UNC13C: variants seen among roughly 807,000 people sequenced by gnomAD.
UNC13C encodes protein unc-13 homolog C.
UNC13C carries 174 observed loss-of-function variants against 245.4 expected under a neutral mutation model. That is an observed-to-expected ratio of 0.71 (90% CI 0.63 to 0.80). UNC13C has a LOEUF of 0.80. UNC13C is among the 30% of genes least tolerant of loss of function. UNC13C has a pLI of 0.00. For missense variants in UNC13C, 2,829 were observed against 2,602.9 expected, an observed-to-expected ratio of 1.09 and a Z score of -1.89; for synonymous variants, 992 against 895.1, an observed-to-expected ratio of 1.11 and a Z score of -1.93.
intron 19 of UNC13C, among the ~76,000 whole-genome samples, chr15:54,476,900 G>A (rs1892776916): frequency 6.6e-6 from 1 of 150,954 alleles, no homozygotes; most frequent in Non-Finnish European, 1.5e-5. Context: ...ACCTTGGGCA[G>A]TACGGCCATT....
chr15:54,210,303 A>G (rs2140747373), intron 4 of UNC13C, among the ~76,000 whole-genome samples: 1 of 150,918 alleles, frequency 6.6e-6, no homozygotes, highest in East Asian at 1.9e-4. Flanking sequence ...ATTTAGAGTT[A>G]TTTCTATATT....
the UNC13C span, among the ~76,000 whole-genome samples, chr15:53,951,769 G>T: frequency 2.0e-5 from 3 of 151,996 alleles, no homozygotes; most frequent in Admixed American, 6.6e-5. Flanking sequence ...CGCTGAAATG[G>T]GTATCACATC....
chr15:53,877,611 G>A, the UNC13C span, among the ~76,000 whole-genome samples: 1 of 152,108 alleles, frequency 6.6e-6, no homozygotes, highest in African/African-American at 2.4e-5. Flanking sequence ...AGGAGGAGGA[G>A]GGGTGAAGGA....
intron 4 of UNC13C, among the ~76,000 whole-genome samples, chr15:54,221,327 A>G (rs997641689): frequency 1.2e-4 from 18 of 152,038 alleles, no homozygotes; most frequent in Admixed American, 1.1e-3. Flanking sequence ...GATAAATTGT[A>G]TGTGGAAAGT....
At chr15:54,095,710 G>A (rs561252860) in intron 2 of UNC13C, among the ~76,000 whole-genome samples, 29 of 152,254 alleles carry the variant, frequency 1.9e-4, no homozygotes, top group Non-Finnish European at 2.9e-4. Context: ...GTACTCGGAC[G>A]AAACAGAAAT....
At chr15:54,536,463 T>G (rs1272591247) in intron 26 of UNC13C, among the ~76,000 whole-genome samples, 1 of 151,716 alleles carries the variant, frequency 6.6e-6, no homozygotes, top group African/African-American at 2.4e-5. Flanking sequence ...GAGGAGGTAC[T>G]ACTCCACAAC....
intron 2 of UNC13C, chr15:54,050,469 C>T (rs969105369): frequency 7.3e-6 from 4 of 548,708 alleles, no homozygotes; most frequent in Admixed American, 2.0e-5. Flanking sequence ...ATCTAAGCAT[C>T]CAAGTCTTTG....
intron 29 of UNC13C, among the ~76,000 whole-genome samples, 188 bp from the exon 30 acceptor site, chr15:54,567,612 T>C (rs1164438151): frequency 6.6e-6 from 1 of 152,182 alleles, no homozygotes; most frequent in African/African-American, 2.4e-5. Flanking sequence ...TTGAGTGTCA[T>C]TTCAGAGATG....
At chr15:54,230,760 C>T (rs562419804) in intron 4 of UNC13C, among the ~76,000 whole-genome samples, 4 of 151,874 alleles carry the variant, frequency 2.6e-5, no homozygotes, top group African/African-American at 4.8e-5. Flanking sequence ...TTAAAGGTCT[C>T]GCTACAAAAA....
chr15:54,241,334 A>G (rs1395005844), intron 7 of UNC13C, among the ~76,000 whole-genome samples: 2 of 152,126 alleles, frequency 1.3e-5, no homozygotes, highest in African/African-American at 4.8e-5. Flanking sequence ...AGGAGATCAA[A>G]CCGGAGCCCT....
chr15:54,295,538 C>A (rs1297753198), intron 11 of UNC13C, among the ~76,000 whole-genome samples: 1 of 152,040 alleles, frequency 6.6e-6, no homozygotes, highest in African/African-American at 2.4e-5. Flanking sequence ...GTAGTCCCAG[C>A]TACTCTGGAG....
intron 4 of UNC13C, among the ~76,000 whole-genome samples, chr15:54,213,241 A>G (rs1178187135): frequency 6.6e-6 from 1 of 152,026 alleles, no homozygotes; most frequent in Admixed American, 6.6e-5. Context: ...ATTATTTGCC[A>G]CTTTAAAACT....
In UNC13C at chr15:54,391,811, G is replaced by C. The variant is rs1379587968; in HGVS notation, c.4714-1237G>C. Among the ~76,000 whole-genome samples, 4 of 152,040 alleles carry C rather than the reference G, an allele frequency of 2.6e-5. No homozygotes were observed. The East Asian group carries it at 5.8e-4, about 22-fold the overall frequency. On this transcript the variant is annotated intron_variant, in intron 17 of 32. Transcript: ENST00000260323. ...TAAGAATAGAGGTGTCTAGTACTAAGTGAGTTCACTATAGGACTGTCTTTC... is the reference window on the plus strand; with the variant it reads ...TAAGAATAGAGGTGTCTAGTACTAACTGAGTTCACTATAGGACTGTCTTTC...
chr15:54,236,160 C>T (rs1288341287), intron 5 of UNC13C, among the ~76,000 whole-genome samples: 1 of 152,040 alleles, frequency 6.6e-6, no homozygotes, highest in Non-Finnish European at 1.5e-5. Context: ...TCAGCAACAA[C>T]GTACATAACT....
At chr15:54,481,934 C>T (rs1484735919) in intron 19 of UNC13C, among the ~76,000 whole-genome samples, 1 of 152,102 alleles carries the variant, frequency 6.6e-6, no homozygotes, top group African/African-American at 2.4e-5. Context: ...TGTGGATGGG[C>T]CCATAACCAA....
intron 4 of UNC13C, among the ~76,000 whole-genome samples, chr15:54,169,480 T>G (rs2033304673): frequency 6.6e-6 from 1 of 152,200 alleles, no homozygotes; most frequent in Admixed American, 6.5e-5. Context: ...AATTGCCTAC[T>G]CGAGTTTCCA....
At chr15:53,991,387 A>G (rs1297377996) in intron 1 of UNC13C, among the ~76,000 whole-genome samples, 1 of 152,046 alleles carries the variant, frequency 6.6e-6, no homozygotes, top group Non-Finnish European at 1.5e-5. Flanking sequence ...GATTCTAATT[A>G]AAATAAAACA....
intron 19 of UNC13C, among the ~76,000 whole-genome samples, chr15:54,449,874 C>A (rs1891070759): frequency 6.6e-6 from 1 of 152,188 alleles, no homozygotes; most frequent in Admixed American, 6.5e-5. Context: ...TTCAGTTTTT[C>A]TGCTCTGTTT....
chr15:54,481,124 A>G (rs891846646), intron 19 of UNC13C, among the ~76,000 whole-genome samples: 4 of 152,198 alleles, frequency 2.6e-5, no homozygotes, highest in African/African-American at 9.7e-5. Flanking sequence ...AATCAGTATC[A>G]TTAATGTCTT....
Sources: allele counts gnomAD v4.1 joint callset (sites outside exome capture counted in the v4.1 genomes callset), GRCh38; gene constraint gnomAD v4.1.1; transcripts MANE v1.5; gene names NCBI Gene and HGNC (gene_info 2026-07-23, HGNC 2026-07-21).